The following SYNPO2L variants were observed in gnomAD, a reference collection of about 807,000 sequenced individuals.
SYNPO2L encodes synaptopodin 2-like protein.
A neutral mutation model predicts 47.5 loss-of-function variants in SYNPO2L; 34 were observed. That is an observed-to-expected ratio of 0.72 (90% CI 0.54 to 0.95). The LOEUF is 0.95. Ranked by LOEUF, SYNPO2L falls within the 40% of genes least tolerant of loss-of-function variation. SYNPO2L has a pLI of 0.00. For missense variants in SYNPO2L, 1,246 were observed against 1,282.0 expected, an observed-to-expected ratio of 0.97 and a Z score of 0.43; for synonymous variants, 536 against 524.9, an observed-to-expected ratio of 1.02 and a Z score of -0.29.
chr10:73,645,002 G>GT lies in SYNPO2L; in HGVS notation c.*1715dup. On this transcript the variant is annotated 3_prime_UTR_variant, in exon 4 of 4. Transcript: ENST00000394810. Reference sequence around the variant, plus strand: ...GCAAACGTAGCTGGTGGTGGTCTTGGTGAGAAGGGAGTCCATACTAAGATT... The same window carrying GT: ...GCAAACGTAGCTGGTGGTGGTCTTGGTTGAGAAGGGAGTCCATACTAAGATT... The GT allele has an allele frequency of 1.6e-6, 2 of 1,250,904 alleles. No individual in the cohort carries two copies. Among genetic ancestry groups the GT allele is most frequent in the Non-Finnish European group, 2.1e-6 (2 of 969,752 alleles). The allele number at this position is 1,250,904 out of a possible 1,614,324, so 77.5% of individuals were successfully genotyped here. A position where few individuals can be genotyped will look rare whatever the true frequency, so the allele number is the denominator to read the frequency against.
intron 3 of SYNPO2L, 77 bp from the exon 4 acceptor site, chr10:73,648,956 C>T: frequency 7.1e-7 from 1 of 1,412,750 alleles, no homozygotes; most frequent in South Asian, 1.7e-5. Context: ...GCTTTCACCC[C>T]CCATCCCAGC....
chr10:73,645,752 T>C lies in SYNPO2L; in HGVS notation c.*966A>G. On this transcript the variant is annotated 3_prime_UTR_variant, in exon 4 of 4. Coordinates refer to ENST00000394810, the MANE Select transcript of SYNPO2L (RefSeq NM_001114133.3). ...GGAGTTATTCTCTAGTGAATCTCTTTCTCCCACTCAACTCCATGTGGGGAT... is the reference window on the plus strand; with the variant it reads ...GGAGTTATTCTCTAGTGAATCTCTTCCTCCCACTCAACTCCATGTGGGGAT... 1.0e-6 allele frequency: 1 copy of C among 985,878 alleles called. No homozygotes were observed. Among genetic ancestry groups the C allele is most frequent in the Non-Finnish European group, 1.2e-6 (1 of 829,940 alleles). 61.1% of individuals were successfully genotyped at this position (985,878 alleles called of 1,614,324 possible).
In SYNPO2L at chr10:73,647,580, C is replaced by T. The variant is rs764985644; in HGVS notation, c.2072G>A (p.Gly691Glu). 2.5e-6 allele frequency: 4 copies of T among 1,613,066 alleles called. No homozygotes were observed. Among genetic ancestry groups the T allele is most frequent in the Non-Finnish European group, 3.4e-6 (4 of 1,179,294 alleles). ...AGGCAGGGTCTTGTAACTCCTGGCC[C>T]CTACTGGCTGCATGAAGTTGCAGGC... ...AEACNFMQPV[G>E]ARSYKTLPHV... Residue 691 changes from glycine (G) to glutamate (E), a missense_variant, in exon 4 of 4, where the codon GGG becomes GAG. By Grantham distance (98) the Gly-to-Glu change is moderately conservative. Transcript: ENST00000394810.
Position 73,645,956 on chromosome 10 carries a change from C to A in SYNPO2L, c.*762G>T. ...TCTCCTGCCTCAGCCTCCCGAGTAG[C>A]TGGGACTACAGGCGCTCGCCACCAC... On this transcript the variant is annotated 3_prime_UTR_variant, in exon 4 of 4. Coordinates refer to ENST00000394810, the MANE Select transcript of SYNPO2L (RefSeq NM_001114133.3). The A allele has an allele frequency of 1.2e-6, 1 of 854,000 alleles. No individual in the cohort carries two copies. Among genetic ancestry groups the A allele is most frequent in the Non-Finnish European group, 1.4e-6 (1 of 709,816 alleles). 52.9% of individuals were successfully genotyped at this position (854,000 alleles called of 1,614,324 possible).
In SYNPO2L at chr10:73,648,827, G is replaced by T; in HGVS notation, c.825C>A (p.Thr275=). The change falls in exon 4 of 4, where the codon ACC becomes ACA. Residue 275 remains threonine, a synonymous_variant. Coordinates refer to ENST00000394810, the MANE Select transcript of SYNPO2L (RefSeq NM_001114133.3). ...LQEKSIKEAK[T]KCRTIASLLT... is the part of the protein sequence containing the mutation. Reference sequence around the variant, plus strand: ...GCAGGGATGCAATTGTCCTGCATTTGGTCTTGGCCTCTTTTATGCTCTTCT... The same window carrying T: ...GCAGGGATGCAATTGTCCTGCATTTTGTCTTGGCCTCTTTTATGCTCTTCT... 1 of 1,563,226 alleles carries T rather than the reference G, an allele frequency of 6.4e-7. No individual in the cohort carries two copies. Among genetic ancestry groups the T allele is most frequent in the Non-Finnish European group, 8.7e-7 (1 of 1,153,314 alleles).
Position 73,645,753 on chromosome 10 carries a change from C to G in SYNPO2L, c.*965G>C. ...GAGTTATTCTCTAGTGAATCTCTTT[C>G]TCCCACTCAACTCCATGTGGGGATA... On this transcript the variant is annotated 3_prime_UTR_variant, in exon 4 of 4. Coordinates refer to ENST00000394810, the MANE Select transcript of SYNPO2L (RefSeq NM_001114133.3). 1 of 985,876 alleles carries G rather than the reference C, an allele frequency of 1.0e-6. No homozygotes were observed. Among genetic ancestry groups the G allele is most frequent in the Non-Finnish European group, 1.2e-6 (1 of 829,944 alleles). 61.1% of individuals were successfully genotyped at this position (985,876 alleles called of 1,614,324 possible).
In SYNPO2L at chr10:73,646,017, G is replaced by A. The variant is rs1589449579; in HGVS notation, c.*701C>T. 1 of 922,074 alleles carries A rather than the reference G, an allele frequency of 1.1e-6. No homozygotes were observed. Among genetic ancestry groups the A allele is most frequent in the South Asian group, 5.0e-5 (1 of 19,966 alleles). 57.1% of individuals were successfully genotyped at this position (922,074 alleles called of 1,614,324 possible). A position where few individuals can be genotyped will look rare whatever the true frequency, so the allele number is the denominator to read the frequency against. ...TTTTTTGTATTTTTAGTGGAAATGGGGTTTCACCGTGTTAGCCAGGATGGT... is the reference window on the plus strand; with the variant it reads ...TTTTTTGTATTTTTAGTGGAAATGGAGTTTCACCGTGTTAGCCAGGATGGT... On this transcript the variant is annotated 3_prime_UTR_variant, in exon 4 of 4. Transcript: ENST00000394810.
intron 3 of SYNPO2L, among the ~76,000 whole-genome samples, chr10:73,652,443 C>T (rs893283444): frequency 6.6e-6 from 1 of 152,028 alleles, no homozygotes. Context: ...CCGAGGTAGG[C>T]ATATCACCTG....
chr10:73,654,403 T>C, intron 1 of SYNPO2L, 123 bp from the exon 2 acceptor site: 2 of 1,258,576 alleles, frequency 1.6e-6, no homozygotes, highest in Non-Finnish European at 2.2e-6. Context: ...GGTGGGGAGA[T>C]GCATGGAAGT....
In SYNPO2L at chr10:73,655,874, A is replaced by AG. The variant is rs2081875647; in HGVS notation, c.48dup (p.Trp17LeufsTer19). ...GCCCCCCCATGAAGTCGGAAGCCCCAGGGGGCTCCCCCTGATAGTGTGACC... is the reference window on the plus strand; with the variant it reads ...GCCCCCCCATGAAGTCGGAAGCCCCAGGGGGGCTCCCCCTGATAGTGTGACC... On this transcript the variant is annotated frameshift_variant, in exon 1 of 4. Transcript: ENST00000394810. LOFTEE classifies it high-confidence loss of function. The AG allele has an allele frequency of 1.3e-6, 2 of 1,550,976 alleles. No homozygotes were observed. The highest frequency in any genetic ancestry group is 1.4e-5 in the African/African-American group (1 of 72,838).
Position 73,647,299 on chromosome 10 carries a change from G to A in SYNPO2L, c.2353C>T (p.Arg785Trp), listed in dbSNP as rs77249183. ...GGGGTAGGAGAAGGACTTCTAGGCC[G>A]AGGGCCAAGACCAGGACCAGGTGTA... is the stretch of plus-strand genomic sequence containing the variant. Reference protein sequence around the residue: ...EGTPGPGLGPRPRSPSPTPSL... With the variant: ...EGTPGPGLGPWPRSPSPTPSL... Residue 785 changes from arginine (R) to tryptophan (W), a missense_variant, in exon 4 of 4, where the codon CGG becomes TGG. Arg to Trp is a moderately radical substitution (Grantham distance 101, BLOSUM62 -3). Around this residue, in one of 3 missense-constraint regions of SYNPO2L, gnomAD observed 1,037 missense variants for 1,021.5 expected, o/e 1.02. Transcript: ENST00000394810. The A allele has an allele frequency of 1.3e-5, 21 of 1,614,096 alleles. No individual in the cohort carries two copies. In the African/African-American group the frequency reaches 2.0e-4, roughly 15 times the overall value.
At position 73,645,303 on chromosome 10, in the gene SYNPO2L, C is replaced by T. The variant is rs1256427486; in HGVS notation, c.*1415G>A. On this transcript the variant is annotated 3_prime_UTR_variant, in exon 4 of 4. Coordinates refer to ENST00000394810, the MANE Select transcript of SYNPO2L (RefSeq NM_001114133.3). ...TCAAATTTTTTTCCAATCCCCCTCT[C>T]ACACACGGTTGGTTTCTTGTTACTC... The T allele has an allele frequency of 2.8e-6, 3 of 1,087,526 alleles. No individual in the cohort carries two copies. The African/African-American group carries it at 5.2e-5, about 19-fold the overall frequency. The allele number at this position is 1,087,526 out of a possible 1,614,324, so 67.4% of individuals were successfully genotyped here.
Position 73,645,190 on chromosome 10 carries a change from C to G in SYNPO2L, c.*1528G>C, listed in dbSNP as rs1333234652. ...AAGAACAGACTCAAGGAAAATCACA[C>G]AGACACCAACCGTTCTTTCAACACT... On this transcript the variant is annotated 3_prime_UTR_variant, in exon 4 of 4. Transcript: ENST00000394810. 9 of 1,157,400 alleles carry G rather than the reference C, an allele frequency of 7.8e-6. No individual in the cohort carries two copies. Among genetic ancestry groups the G allele is most frequent in the African/African-American group, 3.4e-5 (2 of 58,410 alleles). The allele number at this position is 1,157,400 out of a possible 1,614,324, so 71.7% of individuals were successfully genotyped here.
chr10:73,647,996 G>A lies in SYNPO2L; in HGVS notation c.1656C>T (p.Ile552=), dbSNP rs761749365. 3 of 1,570,390 alleles carry A rather than the reference G, an allele frequency of 1.9e-6. No homozygotes were observed. Among genetic ancestry groups the A allele is most frequent in the Admixed American group, 1.9e-5 (1 of 52,580 alleles). The change falls in exon 4 of 4, where the codon ATC becomes ATT. Residue 552 remains isoleucine, a synonymous_variant. Coordinates refer to ENST00000394810, the MANE Select transcript of SYNPO2L (RefSeq NM_001114133.3). The part of the protein sequence containing the change: ...GPVTATSSLY[I]PAPSRPVTPG... Reference sequence around the variant, plus strand: ...GGGTGACAGGCCGACTAGGGGCTGGGATGTACAGGGAGCTGGTGGCTGTCA... The same window carrying A: ...GGGTGACAGGCCGACTAGGGGCTGGAATGTACAGGGAGCTGGTGGCTGTCA...
rs1419895636 is a variant in SYNPO2L, at chr10:73,647,799, G to A, written c.1853C>T (p.Ala618Val). The change falls in exon 4 of 4, where the codon GCT (alanine) becomes GTT (valine). Residue 618 changes from alanine to valine, a missense_variant. By Grantham distance (64) the Ala-to-Val change is moderately conservative. Coordinates refer to ENST00000394810, the MANE Select transcript of SYNPO2L (RefSeq NM_001114133.3). Reference sequence around the variant, plus strand: ...CTCCTGCAGGATACCCGTGCGGGCAGCTGGCACAGAGATGCGCTGCTCGCG... The same window carrying A: ...CTCCTGCAGGATACCCGTGCGGGCAACTGGCACAGAGATGCGCTGCTCGCG... ...SAREQRISVP[A>V]ARTGILQEAR... 6.2e-7 allele frequency: 1 copy of A among 1,609,704 alleles called. No individual in the cohort carries two copies. Among genetic ancestry groups the A allele is most frequent in the African/African-American group, 1.3e-5 (1 of 74,844 alleles).
chr10:73,645,279 C>T lies in SYNPO2L; in HGVS notation c.*1439G>A, dbSNP rs1184898105. Reference sequence around the variant, plus strand: ...CTTCCATTCTAACATTCTTCTCCCTCAAATTTTTTTCCAATCCCCCTCTCA... The same window carrying T: ...CTTCCATTCTAACATTCTTCTCCCTTAAATTTTTTTCCAATCCCCCTCTCA... On this transcript the variant is annotated 3_prime_UTR_variant, in exon 4 of 4. Transcript: ENST00000394810. 1.8e-6 allele frequency: 2 copies of T among 1,087,194 alleles called. No individual in the cohort carries two copies. Among genetic ancestry groups the T allele is most frequent in the African/African-American group, 3.5e-5 (2 of 57,682 alleles). 67.3% of individuals were successfully genotyped at this position (1,087,194 alleles called of 1,614,324 possible).
chr10:73,650,162 T>C, intron 3 of SYNPO2L: 2 of 985,456 alleles, frequency 2.0e-6, no homozygotes, highest in Non-Finnish European at 2.4e-6. Flanking sequence ...CCCCAGTTCC[T>C]CCTGAAAAAT....
rs753586107 is a variant in SYNPO2L at position 73,655,988 on chromosome 10, G to A, written c.-66C>T. On this transcript the variant is annotated 5_prime_UTR_variant, in exon 1 of 4. Coordinates refer to ENST00000394810, the MANE Select transcript of SYNPO2L (RefSeq NM_001114133.3). Reference sequence around the variant, plus strand: ...CCCCAGGAGAGAAGTTGAGGTGCTCGAACCCCGTCTGGGCTTCCTGTCCGG... The same window carrying A: ...CCCCAGGAGAGAAGTTGAGGTGCTCAAACCCCGTCTGGGCTTCCTGTCCGG... 21 of 1,381,954 alleles carry A rather than the reference G, an allele frequency of 1.5e-5. No homozygotes were observed. The highest frequency in any genetic ancestry group is 9.7e-5 in the South Asian group (7 of 72,332). The allele number at this position is 1,381,954 out of a possible 1,614,324, so 85.6% of individuals were successfully genotyped here.
At chr10:73,655,465 C>T (rs1013320803) in intron 1 of SYNPO2L, among the ~76,000 whole-genome samples, 1 of 152,050 alleles carries the variant, frequency 6.6e-6, no homozygotes, top group Non-Finnish European at 1.5e-5. Context: ...GAAATTAGAA[C>T]CTTCCCCGTA....
Sources: allele counts gnomAD v4.1 joint callset (sites outside exome capture counted in the v4.1 genomes callset), GRCh38; gene constraint gnomAD v4.1.1; regional missense constraint gnomAD v4.1.1; transcripts MANE v1.5; gene names NCBI Gene and HGNC (gene_info 2026-07-23, HGNC 2026-07-21).